The following SUMF1 variants were observed in gnomAD, a reference collection of about 807,000 sequenced individuals.
SUMF1 encodes formylglycine-generating enzyme.
Under a neutral mutation model 47.6 loss-of-function variants are expected in SUMF1, and 48 were observed. The ratio of observed to expected loss-of-function variants is 1.01; its 90% CI spans 0.80 to 1.28. The LOEUF (loss-of-function observed/expected upper bound fraction) is 1.28. Ranked by LOEUF, SUMF1 falls within the 50% of genes most tolerant of loss-of-function variation. The probability of loss-of-function intolerance (pLI) is 0.00; values close to 1 mark genes in which losing one functional copy is unlikely to be tolerated. For synonymous variants in SUMF1, 230 were observed against 192.1 expected (o/e 1.20, Z -1.63); for missense variants, 571 against 485.4 (o/e 1.18, Z -1.66).
At chr3:4,165,867 C>A (rs199795603) in intron 8 of SUMF1, among the ~76,000 whole-genome samples, 4 of 142,364 alleles carry the variant, frequency 2.8e-5, no homozygotes, top group Admixed American at 7.0e-5. Flanking sequence ...TTGTTTCCCC[C>A]CCCCCCCCGA....
At chr3:4,313,995 T>G in intron 8 of SUMF1, 1 of 706,654 alleles carries the variant, frequency 1.4e-6, no homozygotes, top group Non-Finnish European at 2.3e-6. Context: ...CTGTTCTAGT[T>G]AATAGGATAT....
chr3:4,038,214 G>A (rs1222160221), intron 9 of SUMF1, among the ~76,000 whole-genome samples: 1 of 152,088 alleles, frequency 6.6e-6, no homozygotes, highest in Non-Finnish European at 1.5e-5. Flanking sequence ...CTTGTCTCCT[G>A]GGGGCTCCAC....
chr3:4,065,537 A>G (rs1695355778), intron 9 of SUMF1, among the ~76,000 whole-genome samples: 1 of 152,144 alleles, frequency 6.6e-6, no homozygotes, highest in Admixed American at 6.6e-5. Context: ...TCTATCTTGC[A>G]TTTCTACAGT....
At chr3:4,374,993 T>C (rs1340764101) in intron 8 of SUMF1, among the ~76,000 whole-genome samples, 1 of 151,676 alleles carries the variant, frequency 6.6e-6, no homozygotes, top group Admixed American at 6.6e-5. Flanking sequence ...CAAGACCCCA[T>C]CTCTAAAAAA....
intron 8 of SUMF1, among the ~76,000 whole-genome samples, chr3:4,112,356 T>C (rs1226675301): frequency 6.6e-6 from 1 of 152,158 alleles, no homozygotes; most frequent in Non-Finnish European, 1.5e-5. Context: ...TCTTGTTCAT[T>C]TATACCTTAG....
At position 4,137,571 on chromosome 3, in the gene SUMF1, G is replaced by T. The variant is rs149468345; in HGVS notation, c.1015-68826C>A. On this transcript the variant is annotated intron_variant and NMD_transcript_variant, in intron 8 of 12. Transcript: ENST00000448413. ...CACCAACATGGCACACGTATACATA[G>T]GTAACAAACCTGCACGTTGTGCACA... 5.4e-3 allele frequency among the ~76,000 whole-genome samples: 816 copies of T among 152,062 alleles called. 3 individuals are homozygous for T. Among genetic ancestry groups the T allele is most frequent in the Middle Eastern group, 0.01 (3 of 294 alleles).
intron 8 of SUMF1, among the ~76,000 whole-genome samples, chr3:4,289,290 A>C (rs1220124092): frequency 6.6e-6 from 1 of 152,174 alleles, no homozygotes; most frequent in Non-Finnish European, 1.5e-5. Flanking sequence ...AGCACTTACA[A>C]AGCTGACTCC....
intron 8 of SUMF1, among the ~76,000 whole-genome samples, chr3:4,118,523 T>A (rs1049758749): frequency 6.6e-6 from 1 of 152,152 alleles, no homozygotes; most frequent in East Asian, 1.9e-4. Flanking sequence ...TTAAATATTT[T>A]AAATGTGTAC....
At chr3:4,046,405 T>G (rs978915553) in intron 9 of SUMF1, among the ~76,000 whole-genome samples, 1 of 152,166 alleles carries the variant, frequency 6.6e-6, no homozygotes, top group African/African-American at 2.4e-5. Context: ...GGCTGTGAGG[T>G]TGAGTTTTAG....
intron 8 of SUMF1, among the ~76,000 whole-genome samples, chr3:4,354,648 T>C (rs1301541459): frequency 2.6e-5 from 4 of 152,138 alleles, no homozygotes; most frequent in Non-Finnish European, 5.9e-5. Flanking sequence ...ATGTTTGATA[T>C]GGGGGTCAAG....
intron 8 of SUMF1, among the ~76,000 whole-genome samples, chr3:4,146,090 A>C (rs994863547): frequency 2.0e-5 from 3 of 152,100 alleles, no homozygotes; most frequent in Admixed American, 6.5e-5. Context: ...CACACTTAGC[A>C]TTCTGCCCAA....
intron 8 of SUMF1, among the ~76,000 whole-genome samples, chr3:4,099,580 T>C (rs114732602): frequency 0.022 from 3,346 of 152,222 alleles, 71 homozygotes; most frequent in South Asian, 0.035. Context: ...TAACTACTTC[T>C]GTTTAACATA....
intron 8 of SUMF1, among the ~76,000 whole-genome samples, chr3:4,292,952 T>G (rs1165071369): frequency 6.6e-6 from 1 of 152,186 alleles, no homozygotes; most frequent in Non-Finnish European, 1.5e-5. Flanking sequence ...TCTTCTAAGC[T>G]AAGCTCATGG....
chr3:4,382,087 A>T (rs1220929399), intron 7 of SUMF1, among the ~76,000 whole-genome samples: 1 of 152,134 alleles, frequency 6.6e-6, no homozygotes, highest in African/African-American at 2.4e-5. Flanking sequence ...CTTCCTCAAG[A>T]ACTGAATCTA....
rs73807001 is a variant in SUMF1 at position 4,311,974 on chromosome 3, A to T, written c.1014+64356T>A. ...AGAGATCAGGCTTCACATAGAGTTT[A>T]GATTGAGGATTGTCTTCTTTTTATA... On this transcript the variant is annotated intron_variant and NMD_transcript_variant, in intron 8 of 12. Transcript: ENST00000448413. 2.6e-5 allele frequency among the ~76,000 whole-genome samples: 4 copies of T among 152,204 alleles called. No individual in the cohort carries two copies. The South Asian group carries it at 8.3e-4, about 31-fold the overall frequency.
At chr3:4,367,251 C>A (rs1441747463) in intron 8 of SUMF1, among the ~76,000 whole-genome samples, 2 of 152,194 alleles carry the variant, frequency 1.3e-5, no homozygotes, top group African/African-American at 2.4e-5. Context: ...CTCTTCAAAG[C>A]TGTCAGACAG....
At chr3:4,250,266 GA>G (rs1278989401) in intron 8 of SUMF1, among the ~76,000 whole-genome samples, 11 of 146,472 alleles carry the variant, frequency 7.5e-5, no homozygotes, top group South Asian at 2.3e-4. Context: ...AAAAGGGAAA[GA>G]GGGGGAAAGG....
intron 8 of SUMF1, among the ~76,000 whole-genome samples, chr3:4,205,293 C>T (rs981712653): frequency 9.2e-5 from 14 of 152,294 alleles, no homozygotes; most frequent in Middle Eastern, 3.4e-3. Flanking sequence ...ACTCCACCAC[C>T]TATCCCCAAA....
At chr3:4,461,818 A>T (rs1254182861) in intron 1 of SUMF1, among the ~76,000 whole-genome samples, 2 of 152,132 alleles carry the variant, frequency 1.3e-5, no homozygotes, top group African/African-American at 4.8e-5. Flanking sequence ...AAACCAGAGA[A>T]CCAAGTGTCT....
Sources: allele counts gnomAD v4.1 joint callset (sites outside exome capture counted in the v4.1 genomes callset), GRCh38; gene constraint gnomAD v4.1.1; transcripts MANE v1.5; gene names NCBI Gene and HGNC (gene_info 2026-07-23, HGNC 2026-07-21).